TUBA1C: variants seen among roughly 807,000 people sequenced by gnomAD.
TUBA1C encodes the protein tubulin alpha 1c.
In TUBA1C, 16 loss-of-function variants were observed where a neutral mutation model predicts 34.9. That is an observed-to-expected ratio of 0.46 (90% confidence interval 0.31 to 0.70). The LOEUF (loss-of-function observed/expected upper bound fraction) is 0.70, where lower values mean the gene tolerates loss of function less well. TUBA1C is among the 30% of genes least tolerant of loss of function. The pLI is 0.05. For synonymous variants in TUBA1C, 177 were observed against 215.9 expected, an observed-to-expected ratio of 0.82 and a Z score of 1.58; for missense variants, 329 against 587.3, an observed-to-expected ratio of 0.56 and a Z score of 4.55.
intron 1 of TUBA1C, among the ~76,000 whole-genome samples, chr12:49,257,622 T>C (rs980409264): frequency 2.0e-5 from 3 of 151,476 alleles, no homozygotes; most frequent in Non-Finnish European, 4.4e-5. Flanking sequence ...CTACAAAAAA[T>C]ACAAAAAATT....
At position 49,240,312 on chromosome 12, in the gene TUBA1C, AAAAG is replaced by A. The variant is rs1428288262; in HGVS notation, c.213+12154_213+12157del. Among the ~76,000 whole-genome samples, 400 of 151,580 alleles carry A rather than the reference AAAAG, an allele frequency of 2.6e-3. 1 individual carries two copies. Among genetic ancestry groups the A allele is most frequent in the Non-Finnish European group, 4.1e-3 (281 of 67,874 alleles). ...CCATTCTCTGAAAAAAAAAAAAAAA[AAAAG>A]AAAGAAACACTAAATTCAGTAGTTT... On this transcript the variant is annotated intron_variant, in intron 1 of 3. Coordinates refer to the TUBA1C transcript ENST00000541364.
intron 3 of TUBA1C, among the ~76,000 whole-genome samples, chr12:49,271,315 A>T (rs186657023): frequency 2.6e-5 from 4 of 152,334 alleles, no homozygotes; most frequent in African/African-American, 9.6e-5. Context: ...TTTATTTGGA[A>T]GGTCAAAATC....
chr12:49,259,729 G>C (rs1047432032), intron 1 of TUBA1C, among the ~76,000 whole-genome samples: 16 of 152,128 alleles, frequency 1.1e-4, no homozygotes, highest in African/African-American at 3.9e-4. Flanking sequence ...AGAAGAGACC[G>C]GTTTCACCTC....
intron 3 of TUBA1C, 144 bp from the exon 4 acceptor site, chr12:49,272,109 T>C: frequency 7.1e-7 from 1 of 1,408,496 alleles, no homozygotes. Context: ...ATTACAGGCG[T>C]GAGCCACTGC....
intron 1 of TUBA1C, among the ~76,000 whole-genome samples, chr12:49,231,542 C>T (rs565522161): frequency 2.0e-5 from 3 of 152,240 alleles, no homozygotes; most frequent in South Asian, 2.1e-4. Flanking sequence ...AAAGGAAGTG[C>T]GAAACAGGGC....
At chr12:49,237,392 T>G (rs1942566859) in intron 1 of TUBA1C, among the ~76,000 whole-genome samples, 1 of 150,830 alleles carries the variant, frequency 6.6e-6, no homozygotes, top group African/African-American at 2.4e-5. Flanking sequence ...CCCTCCAGCC[T>G]GGGCAATGAG....
intron 1 of TUBA1C, among the ~76,000 whole-genome samples, chr12:49,254,339 G>A (rs1001449116): frequency 3.3e-5 from 5 of 151,838 alleles, no homozygotes; most frequent in Non-Finnish European, 7.4e-5. Flanking sequence ...AATTAGCCGA[G>A]TGTCGTGGTG....
intron 1 of TUBA1C, among the ~76,000 whole-genome samples, chr12:49,229,089 T>C (rs1942468109): frequency 6.6e-6 from 1 of 152,224 alleles, no homozygotes; most frequent in African/African-American, 2.4e-5. Context: ...AATCTATTGG[T>C]CTTCCCTGGA....
At chr12:49,262,988 T>C (rs557656148), upstream of TUBA1C, among the ~76,000 whole-genome samples, 35 of 151,606 alleles carry the variant, frequency 2.3e-4, no homozygotes, top group Non-Finnish European at 3.1e-4. Flanking sequence ...TGGATCCCAA[T>C]GCTTAAAATT....
intron 1 of TUBA1C, among the ~76,000 whole-genome samples, chr12:49,268,009 G>C (rs1189607872): frequency 6.6e-6 from 1 of 152,142 alleles, no homozygotes; most frequent in African/African-American, 2.4e-5. Context: ...GTGTGGGTTT[G>C]GTAATTTCTA....
At chr12:49,248,823 G>A (rs1337950305) in intron 1 of TUBA1C, among the ~76,000 whole-genome samples, 3 of 145,608 alleles carry the variant, frequency 2.1e-5, no homozygotes, top group African/African-American at 5.1e-5. Flanking sequence ...AGCCAAGATC[G>A]CGCCACTGCA....
chr12:49,228,197 A>C, intron 1 of TUBA1C: 1 of 1,531,420 alleles, frequency 6.5e-7, no homozygotes, highest in Non-Finnish European at 8.7e-7. Context: ...TAATGTAAAT[A>C]GCTTCATCAT....
intron 1 of TUBA1C, among the ~76,000 whole-genome samples, chr12:49,249,837 G>A (rs1388211704): frequency 2.0e-5 from 3 of 151,928 alleles, no homozygotes; most frequent in African/African-American, 7.3e-5. Context: ...CTGCACTCAA[G>A]CAGGCAATAG....
chr12:49,239,955 C>A (rs1942594898), intron 1 of TUBA1C, among the ~76,000 whole-genome samples: 1 of 151,294 alleles, frequency 6.6e-6, no homozygotes, highest in East Asian at 1.9e-4. Flanking sequence ...CAAGTCAGTC[C>A]CTTGAAACTG....
upstream of TUBA1C, among the ~76,000 whole-genome samples, chr12:49,262,399 TAAAAAAAA>T (rs55985243): frequency 2.4e-5 from 1 of 42,072 alleles, no homozygotes; most frequent in African/African-American, 1.1e-4. Context: ...AGACCCTGTG[TAAAAAAAA>T]AAAAAAAAAA....
intron 1 of TUBA1C, among the ~76,000 whole-genome samples, chr12:49,232,166 A>G (rs1942504815): frequency 6.6e-6 from 1 of 152,218 alleles, no homozygotes; most frequent in South Asian, 2.1e-4. Flanking sequence ...TAGCAAGCAG[A>G]TGAAATCCAA....
intron 1 of TUBA1C, among the ~76,000 whole-genome samples, chr12:49,267,610 A>C (rs1942932355): frequency 6.6e-6 from 1 of 152,244 alleles, no homozygotes; most frequent in African/African-American, 2.4e-5. Flanking sequence ...ACTGCACTCC[A>C]GCCTGGGCGA....
rs17849881 is a variant in TUBA1C at position 49,269,847 on chromosome 12, T to G, written c.246T>G (p.Thr82=). 6.2e-7 allele frequency: 1 copy of G among 1,605,060 alleles called. No homozygotes were observed. Among genetic ancestry groups the G allele is most frequent in the African/African-American group, 1.3e-5 (1 of 74,804 alleles). The change falls in exon 3 of 4, where the codon ACT becomes ACG. Residue 82 remains threonine, a synonymous_variant. Transcript: ENST00000301072. ...PTVIDEVRTG[T]YRQLFHPEQL... is the part of the protein sequence containing the mutation. ...CTCCAGATGAAGTTCGCACTGGCACTTACCGCCAGCTCTTCCACCCTGAGC... is the reference window on the plus strand; with the variant it reads ...CTCCAGATGAAGTTCGCACTGGCACGTACCGCCAGCTCTTCCACCCTGAGC...
intron 1 of TUBA1C, among the ~76,000 whole-genome samples, chr12:49,265,571 GC>G (rs1482902446): frequency 1.3e-5 from 2 of 152,214 alleles, no homozygotes; most frequent in Non-Finnish European, 2.9e-5. Flanking sequence ...TACAAACTGG[GC>G]CCCGGAGGCC....
Sources: gnomAD v4.1 joint callset for allele counts (sites outside exome capture counted in the v4.1 genomes callset) on GRCh38, gnomAD v4.1.1 for gene constraint, MANE v1.5 for transcripts, NCBI Gene and HGNC (gene_info 2026-07-23, HGNC 2026-07-21) for gene names.